NETO1: variants seen among roughly 807,000 people sequenced by gnomAD.
NETO1 encodes the protein neuropilin and tolloid like 1.
NETO1 carries 26 observed loss-of-function variants against 61.3 expected under a neutral mutation model. That is an observed-to-expected ratio of 0.42 (90% confidence interval 0.31 to 0.59). NETO1 has a LOEUF of 0.59. NETO1 is among the 20% of genes least tolerant of loss of function. NETO1 has a pLI of 0.12. For synonymous variants in NETO1, 225 were observed against 225.8 expected (o/e 1.00, Z 0.03); for missense variants, 531 against 662.8 (o/e 0.80, Z 2.18).
At chr18:72,860,520 A>T (rs1010097715) in intron 3 of NETO1, among the ~76,000 whole-genome samples, 42 of 152,220 alleles carry the variant, frequency 2.8e-4, no homozygotes, top group Admixed American at 1.2e-3. Flanking sequence ...ATAAAATTAA[A>T]TATCAACAGT....
intron 4 of NETO1, among the ~76,000 whole-genome samples, chr18:72,833,614 C>T (rs960954666): frequency 1.2e-4 from 19 of 152,120 alleles, no homozygotes; most frequent in Non-Finnish European, 1.8e-4. Flanking sequence ...ACGACATCCC[C>T]GAACCCAACT....
At chr18:72,795,136 C>T (rs2072266572) in intron 4 of NETO1, among the ~76,000 whole-genome samples, 1 of 152,136 alleles carries the variant, frequency 6.6e-6, no homozygotes, top group South Asian at 2.1e-4. Context: ...TGTCATGAGT[C>T]TAAGATGTTT....
intron 8 of NETO1, 96 bp from the exon 9 acceptor site, chr18:72,750,716 A>C: frequency 1.2e-6 from 1 of 846,262 alleles, no homozygotes; most frequent in South Asian, 2.2e-5. Flanking sequence ...TAAAAACTTA[A>C]AGTAAAGCAG....
intron 7 of NETO1, among the ~76,000 whole-genome samples, chr18:72,769,942 G>A (rs923225429): frequency 2.0e-5 from 3 of 151,944 alleles, no homozygotes; most frequent in African/African-American, 7.2e-5. Flanking sequence ...TGATTCAGAG[G>A]TGATATTCTA....
rs552728219 is a variant in NETO1 at position 72,778,845 on chromosome 18, C to T, written c.868+4833G>A. Among the ~76,000 whole-genome samples, 18 of 152,256 alleles carry T rather than the reference C, an allele frequency of 1.2e-4. No individual in the cohort carries two copies. The East Asian group carries it at 3.5e-3, about 29-fold the overall frequency. The stretch of plus-strand genomic sequence containing the variant: ...GAACTCCTCCAGCCTCTACTCATTA[C>T]CCAGTTCCAAAGCCACTGCCACCTA... On this transcript the variant is annotated intron_variant, in intron 7 of 10. Coordinates refer to ENST00000327305, the MANE Select transcript of NETO1 (RefSeq NM_138966.5).
chr18:72,808,612 C>T (rs764636474), intron 4 of NETO1, among the ~76,000 whole-genome samples: 23 of 152,214 alleles, frequency 1.5e-4, no homozygotes, highest in Non-Finnish European at 3.1e-4. Context: ...TAAAGATGTA[C>T]GTTTAAGCAT....
At chr18:72,851,456 G>C (rs923704019) in intron 4 of NETO1, among the ~76,000 whole-genome samples, 8 of 151,828 alleles carry the variant, frequency 5.3e-5, no homozygotes, top group Admixed American at 5.2e-4. Context: ...ATTCGTGGGA[G>C]ATCTAGGAGA....
At chr18:72,753,730 G>A (rs912835893) in intron 8 of NETO1, among the ~76,000 whole-genome samples, 10 of 152,106 alleles carry the variant, frequency 6.6e-5, no homozygotes, top group Non-Finnish European at 1.5e-4. Flanking sequence ...AAAAAGCAAT[G>A]TTCTATGTAT....
intron 4 of NETO1, among the ~76,000 whole-genome samples, chr18:72,825,947 T>C (rs2073359464): frequency 6.6e-6 from 1 of 152,206 alleles, no homozygotes; most frequent in Non-Finnish European, 1.5e-5. Flanking sequence ...ATATTGCATA[T>C]AATTTGTGTA....
chr18:72,808,683 C>T (rs924557578), intron 4 of NETO1, among the ~76,000 whole-genome samples: 2 of 152,164 alleles, frequency 1.3e-5, no homozygotes, highest in African/African-American at 4.8e-5. Context: ...TAAAGCTGTA[C>T]AAGCCATGCT....
chr18:72,864,743 C>T, intron 3 of NETO1, 65 bp downstream of exon 3: 1 of 1,603,378 alleles, frequency 6.2e-7, no homozygotes, highest in Non-Finnish European at 8.5e-7. Flanking sequence ...ATTCTTCATC[C>T]AAAGCACAGA....
At chr18:72,851,385 T>G (rs1175979850) in intron 4 of NETO1, among the ~76,000 whole-genome samples, 1 of 149,264 alleles carries the variant, frequency 6.7e-6, no homozygotes, top group African/African-American at 2.5e-5. Context: ...CACTCCAGCC[T>G]GGGCAACAAG....
chr18:72,865,829 C>A, intron 1 of NETO1: 1 of 752,068 alleles, frequency 1.3e-6, no homozygotes, highest in Non-Finnish European at 2.0e-6. Context: ...ATGTTCTGAA[C>A]CTCCAAGTAA....
intron 3 of NETO1, among the ~76,000 whole-genome samples, chr18:72,860,770 C>A (rs2074547913): frequency 6.7e-6 from 1 of 148,962 alleles, no homozygotes. Flanking sequence ...TTTGAAAGTA[C>A]CCAAAGAAAT....
chr18:72,796,920 T>C (rs2072335015), intron 4 of NETO1, among the ~76,000 whole-genome samples: 2 of 152,190 alleles, frequency 1.3e-5, no homozygotes, highest in African/African-American at 4.8e-5. Flanking sequence ...ATAGTTATTA[T>C]TTCAATAAAT....
chr18:72,856,217 C>A (rs1175817176), intron 4 of NETO1, among the ~76,000 whole-genome samples: 6 of 152,152 alleles, frequency 3.9e-5, no homozygotes, highest in African/African-American at 1.4e-4. Context: ...ACCACCAGGC[C>A]TTTCTGCTGC....
chr18:72,835,357 C>T lies in NETO1; in HGVS notation c.469+23469G>A, dbSNP rs770404755. On this transcript the variant is annotated intron_variant, in intron 4 of 10. Coordinates refer to ENST00000327305, the MANE Select transcript of NETO1 (RefSeq NM_138966.5). Reference sequence around the variant, plus strand: ...AGGTAATTAAAGAAGTTTAATTAGACCAGTATATGATCAGGCATGAATTGT... The same window carrying T: ...AGGTAATTAAAGAAGTTTAATTAGATCAGTATATGATCAGGCATGAATTGT... 4.5e-6 allele frequency: 7 copies of T among 1,549,056 alleles called. No homozygotes were observed. The Admixed American group carries it at 8.5e-5, about 19-fold the overall frequency.
chr18:72,746,505 C>A lies in NETO1; in HGVS notation c.*1674G>T, dbSNP rs940053276. ...TCATTGAAGTGATTCTGTAGCTTGACATTTTTTCAAGATAGAGTGTTTATA... is the reference window on the plus strand; with the variant it reads ...TCATTGAAGTGATTCTGTAGCTTGAAATTTTTTCAAGATAGAGTGTTTATA... On this transcript the variant is annotated 3_prime_UTR_variant, in exon 11 of 11. Transcript: ENST00000327305. Among the ~76,000 whole-genome samples the A allele has an allele frequency of 6.6e-6, 1 of 152,064 alleles. No homozygotes were observed. Among genetic ancestry groups the A allele is most frequent in the Non-Finnish European group, 1.5e-5 (1 of 67,976 alleles).
intron 4 of NETO1, chr18:72,835,423 A>G (rs2073713782): frequency 4.8e-6 from 4 of 840,590 alleles, no homozygotes; most frequent in Non-Finnish European, 7.5e-6. Flanking sequence ...ATACAGGAGG[A>G]GCAAATCCAA....
Sources: gnomAD v4.1 joint callset for allele counts (sites outside exome capture counted in the v4.1 genomes callset) on GRCh38, gnomAD v4.1.1 for gene constraint, MANE v1.5 for transcripts, NCBI Gene and HGNC (gene_info 2026-07-23, HGNC 2026-07-21) for gene names.